The following DLK1 variants were observed in gnomAD, a reference collection of about 807,000 sequenced individuals.
The protein encoded by DLK1 is delta like non-canonical Notch ligand 1.
DLK1 carries 9 observed loss-of-function variants against 35.2 expected under a neutral mutation model. The ratio of observed to expected loss-of-function variants is 0.26; its 90% CI spans 0.15 to 0.45. DLK1 has a LOEUF of 0.45. Among genes scored for constraint, DLK1 ranks in the 20% least tolerant of loss-of-function variants. The probability of loss-of-function intolerance (pLI) is 1.00; values close to 1 mark genes in which losing one functional copy is unlikely to be tolerated. For missense variants in DLK1, 522 were observed against 528.5 expected (o/e 0.99, Z 0.12); for synonymous variants, 231 against 228.4 (o/e 1.01, Z -0.10).
At chr14:100,731,431 A>G (rs946082738) in intron 3 of DLK1, among the ~76,000 whole-genome samples, 7 of 152,038 alleles carry the variant, frequency 4.6e-5, no homozygotes, top group Admixed American at 3.9e-4. Context: ...TTTACCAGGG[A>G]CCCCTTGAGT....
intron 2 of DLK1, 26 bp from the exon 3 acceptor site, chr14:100,728,910 C>G: frequency 6.2e-7 from 1 of 1,611,814 alleles, no homozygotes; most frequent in South Asian, 1.1e-5. Context: ...TCATATGTCC[C>G]CACCTTTCTC....
At position 100,734,388 on chromosome 14, in the gene DLK1, G is replaced by A; in HGVS notation, c.644G>A (p.Ser215Asn). Residue 215 changes from serine (S) to asparagine (N), a missense_variant, in exon 5 of 5, where the codon AGC (serine) becomes AAC (asparagine). Transcript: ENST00000341267. This position sits in a 1 kb window ranked among gnomAD's most constrained non-coding sequence, Gnocchi z 7.4. ...CGCCCGGTGACCAACTGCGCCAGCA[G>A]CCCGTGCCAGAACGGGGGCACCTGC... ...CSRPVTNCAS[S>N]PCQNGGTCLQ... is the part of the protein sequence containing the mutation. 1 of 1,611,792 alleles carries A rather than the reference G, an allele frequency of 6.2e-7. No homozygotes were observed. The highest frequency in any genetic ancestry group is 8.5e-7 in the Non-Finnish European group (1 of 1,179,122).
In DLK1 at chr14:100,734,417, C is replaced by A. The variant is rs2036546490; in HGVS notation, c.673C>A (p.Gln225Lys). ...GTGCCAGAACGGGGGCACCTGCCTG[C>A]AGCACACCCAGGTGAGCTACGAGTG... is the stretch of plus-strand genomic sequence containing the variant. Reference protein sequence around the residue: ...SPCQNGGTCLQHTQVSYECLC... With the variant: ...SPCQNGGTCLKHTQVSYECLC... Residue 225 changes from glutamine to lysine, a missense_variant, in exon 5 of 5, where the codon CAG becomes AAG. Gln to Lys is a moderately conservative substitution (Grantham distance 53). Transcript: ENST00000341267. The surrounding 1 kb of genome is among the most constrained non-coding windows in gnomAD (Gnocchi z 7.4). The A allele has an allele frequency of 5.6e-6, 9 of 1,611,626 alleles. No individual in the cohort carries two copies. Among genetic ancestry groups the A allele is most frequent in the Non-Finnish European group, 5.9e-6 (7 of 1,178,986 alleles).
intron 3 of DLK1, 108 bp from the exon 4 acceptor site, chr14:100,731,934 C>T: frequency 1.4e-6 from 2 of 1,413,780 alleles, no homozygotes; most frequent in East Asian, 2.5e-5. Context: ...CCCTCTTACT[C>T]CAGACCCCAC....
Position 100,735,221 on chromosome 14 carries a change from G to A in DLK1, c.*325G>A, listed in dbSNP as rs1386942966. 18 of 230,994 alleles carry A rather than the reference G, an allele frequency of 7.8e-5. No homozygotes were observed. The East Asian group carries it at 1.6e-3, about 21-fold the overall frequency. The allele number at this position is 230,994 out of a possible 1,614,324, so 14.3% of individuals were successfully genotyped here. ...CAAGGCAACAGAACCAGGGCTCAGT[G>A]CCGACGCCCCTACCCTGGGGGTCTC... On this transcript the variant is annotated 3_prime_UTR_variant, in exon 5 of 5. Coordinates refer to ENST00000341267, the MANE Select transcript of DLK1 (RefSeq NM_003836.7).
intron 4 of DLK1, among the ~76,000 whole-genome samples, chr14:100,733,365 T>C (rs2036530998): frequency 6.6e-6 from 1 of 152,180 alleles, no homozygotes; most frequent in Non-Finnish European, 1.5e-5. Context: ...AAGGGCTCGC[T>C]CGTTTAAAAG....
intron 3 of DLK1, among the ~76,000 whole-genome samples, chr14:100,729,524 C>T (rs904228078): frequency 1.3e-5 from 2 of 150,172 alleles, no homozygotes; most frequent in East Asian, 1.9e-4. Context: ...GTGGCCAGCA[C>T]TGCTCAGTGG....
chr14:100,734,201 C>T lies in DLK1; in HGVS notation c.457C>T (p.His153Tyr). The change falls in exon 5 of 5, where the codon CAT becomes TAT. Residue 153 changes from histidine to tyrosine, a missense_variant. Coordinates refer to ENST00000341267, the MANE Select transcript of DLK1 (RefSeq NM_003836.7). The surrounding 1 kb of genome is among the most constrained non-coding windows in gnomAD (Gnocchi z 7.4). ...TCVDDEGRAS[H>Y]ASCLCPPGFS... ...CGTGGATGATGAGGGCCGGGCCTCC[C>T]ATGCCTCCTGCCTGTGCCCCCCTGG... 1.2e-6 allele frequency: 2 copies of T among 1,612,976 alleles called. No individual in the cohort carries two copies. The highest frequency in any genetic ancestry group is 1.7e-6 in the Non-Finnish European group (2 of 1,179,940).
rs543668878 is a variant in DLK1, at chr14:100,732,824, C to T, written c.404+641C>T. On this transcript the variant is annotated intron_variant, in intron 4 of 4. Transcript: ENST00000341267. ...CTCTGCCCACCCATTATCTCTTTGG[C>T]GGCCCTGAGCCATCCCTCCCCGCTG... Among the ~76,000 whole-genome samples the T allele has an allele frequency of 4.6e-5, 7 of 152,292 alleles. No individual in the cohort carries two copies. In the South Asian group the frequency reaches 6.2e-4, roughly 14 times the overall value.
At chr14:100,733,990 C>T (rs2036538342) in intron 4 of DLK1, among the ~76,000 whole-genome samples, 159 bp from the exon 5 acceptor site, 1 of 151,658 alleles carries the variant, frequency 6.6e-6, no homozygotes, top group Admixed American at 6.6e-5. Context: ...CTGTGCCTCC[C>T]TGGCTGGCGT....
intron 4 of DLK1, among the ~76,000 whole-genome samples, chr14:100,732,422 C>T (rs899822035): frequency 5.3e-5 from 8 of 152,354 alleles, no homozygotes; most frequent in African/African-American, 1.2e-4. Flanking sequence ...TCTCAAGTCC[C>T]GATGCGTGTG....
Position 100,734,904 on chromosome 14 carries a change from TC to T in DLK1, c.*11del. The T allele has an allele frequency of 1.3e-6, 2 of 1,564,724 alleles. No homozygotes were observed. The highest frequency in any genetic ancestry group is 1.7e-6 in the Non-Finnish European group (2 of 1,159,326). On this transcript the variant is annotated 3_prime_UTR_variant, in exon 5 of 5. Coordinates refer to ENST00000341267, the MANE Select transcript of DLK1 (RefSeq NM_003836.7). The surrounding 1 kb of genome is among the most constrained non-coding windows in gnomAD (Gnocchi z 7.4). ...GGCGACGAGGAGATCTAAGCAGCGT[TC>T]CCACAGCCCCCTCTAGATTCTTGGA... is the stretch of plus-strand genomic sequence containing the variant.
At position 100,734,881 on chromosome 14, in the gene DLK1, C is replaced by T. The variant is rs753638016; in HGVS notation, c.1137C>T (p.Gly379=). 11 of 1,589,836 alleles carry T rather than the reference C, an allele frequency of 6.9e-6. No individual in the cohort carries two copies. The highest frequency in any genetic ancestry group is 6.8e-5 in the Admixed American group (4 of 58,498). ...TGACCACCTTCAGCAAGGAGGCCGG[C>T]GACGAGGAGATCTAAGCAGCGTTCC... ...IDMTTFSKEA[G]DEEI Residue 379 remains glycine (G), a synonymous_variant, in exon 5 of 5, where the codon GGC becomes GGT. Transcript: ENST00000341267. The surrounding 1 kb of genome is among the most constrained non-coding windows in gnomAD (Gnocchi z 7.4).
intron 3 of DLK1, among the ~76,000 whole-genome samples, chr14:100,730,010 T>C (rs1485998253): frequency 6.6e-6 from 1 of 152,240 alleles, no homozygotes; most frequent in East Asian, 1.9e-4. Context: ...TTAATTTTTA[T>C]CTTCGATTGC....
intron 4 of DLK1, among the ~76,000 whole-genome samples, chr14:100,733,314 T>A (rs1343242687): frequency 6.6e-6 from 1 of 152,238 alleles, no homozygotes; most frequent in Admixed American, 6.5e-5. Flanking sequence ...TTGTGTTTAC[T>A]GCCCCTTCTT....
rs764950689 is a variant in DLK1 at position 100,732,203 on chromosome 14, G to A, written c.404+20G>A. On this transcript the variant is annotated intron_variant, in intron 4 of 4. Coordinates refer to ENST00000341267, the MANE Select transcript of DLK1 (RefSeq NM_003836.7). ...CAACGGGTAAATATCCTTCCTGTGT[G>A]TGATCTAATGAATGCTGCTTTTCAT... 17 of 1,607,196 alleles carry A rather than the reference G, an allele frequency of 1.1e-5. No individual in the cohort carries two copies. In the South Asian group the frequency reaches 1.5e-4, roughly 15 times the overall value.
Position 100,727,007 on chromosome 14 carries a change from G to C in DLK1, c.-62G>C. 1.4e-6 allele frequency: 2 copies of C among 1,468,662 alleles called. No homozygotes were observed. Among genetic ancestry groups the C allele is most frequent in the Non-Finnish European group, 1.8e-6 (2 of 1,109,258 alleles). 91.0% of individuals were successfully genotyped at this position (1,468,662 alleles called of 1,614,324 possible). ...GCGTCCGCAACCAGAAGCCCAGTGC[G>C]GCGCCAGGAGCCGGACCCGCGCCCG... On this transcript the variant is annotated 5_prime_UTR_variant, in exon 1 of 5. Transcript: ENST00000341267.
rs749388501 is a variant in DLK1 at position 100,727,037 on chromosome 14, G to C, written c.-32G>C. On this transcript the variant is annotated 5_prime_UTR_variant, in exon 1 of 5. Coordinates refer to ENST00000341267, the MANE Select transcript of DLK1 (RefSeq NM_003836.7). Reference sequence around the variant, plus strand: ...CAGGAGCCGGACCCGCGCCCGCACCGCTCCCGGGACCGCGACCCCGGCCGC... The same window carrying C: ...CAGGAGCCGGACCCGCGCCCGCACCCCTCCCGGGACCGCGACCCCGGCCGC... The C allele has an allele frequency of 6.5e-7, 1 of 1,546,426 alleles. No homozygotes were observed. Among genetic ancestry groups the C allele is most frequent in the Non-Finnish European group, 8.7e-7 (1 of 1,149,452 alleles).
Position 100,732,279 on chromosome 14 carries a change from C to G in DLK1, c.404+96C>G, listed in dbSNP as rs577850508. 2.6e-6 allele frequency: 4 copies of G among 1,511,718 alleles called. No homozygotes were observed. The African/African-American group carries it at 5.6e-5, about 21-fold the overall frequency. The allele number at this position is 1,511,718 out of a possible 1,614,324, so 93.6% of individuals were successfully genotyped here. ...TAACCCTGCTGGACCTGTCGTCTGACAAAAGATGAAGTAAGCGCTCATCCT... is the reference window on the plus strand; with the variant it reads ...TAACCCTGCTGGACCTGTCGTCTGAGAAAAGATGAAGTAAGCGCTCATCCT... On this transcript the variant is annotated intron_variant, in intron 4 of 4. Coordinates refer to ENST00000341267, the MANE Select transcript of DLK1 (RefSeq NM_003836.7).
Sources: gnomAD v4.1 joint callset for allele counts (sites outside exome capture counted in the v4.1 genomes callset) on GRCh38, gnomAD v4.1.1 for gene constraint, Gnocchi (gnomAD v3.1) non-coding constraint, MANE v1.5 for transcripts, NCBI Gene and HGNC (gene_info 2026-07-23, HGNC 2026-07-21) for gene names.